Variants in SAXO1 observed in about 807,000 individuals in gnomAD.
SAXO1 encodes 4930500O09Rik.
In SAXO1, 21 loss-of-function variants were observed where a neutral mutation model predicts 17.5. That is an observed-to-expected ratio of 1.20 (90% confidence interval 0.85 to 1.72). SAXO1 has a LOEUF of 1.72. SAXO1 is among the 40% of genes most tolerant of loss of function. The probability of loss-of-function intolerance (pLI) is 0.00; values close to 1 mark genes in which losing one functional copy is unlikely to be tolerated. For synonymous variants in SAXO1, 274 were observed against 216.5 expected (o/e 1.27, Z -2.33); for missense variants, 843 against 596.0 (o/e 1.41, Z -4.32).
chr9:18,958,771 C>T (rs1232531984), intron 1 of SAXO1, among the ~76,000 whole-genome samples: 1 of 152,010 alleles, frequency 6.6e-6, no homozygotes, highest in African/African-American at 2.4e-5. Flanking sequence ...GAAATGTCTC[C>T]AGGCTGTTGA....
rs1276945266 is a variant in SAXO1 at position 18,993,273 on chromosome 9, C to T, written c.38+39598G>A. Among the ~76,000 whole-genome samples, 3 of 151,832 alleles carry T rather than the reference C, an allele frequency of 2.0e-5. No individual in the cohort carries two copies. In the South Asian group the frequency reaches 6.3e-4, roughly 32 times the overall value. ...GTCCTAATGCTCTCCCTCCCCTTGC[C>T]CCCCACCCCCAGATAGGCCCCGATG... is the stretch of plus-strand genomic sequence containing the variant. On this transcript the variant is annotated intron_variant, in intron 1 of 3. Transcript: ENST00000380534.
At chr9:18,996,088 A>AG (rs1302650810) in intron 1 of SAXO1, among the ~76,000 whole-genome samples, 1 of 151,848 alleles carries the variant, frequency 6.6e-6, no homozygotes, top group Non-Finnish European at 1.5e-5. Flanking sequence ...TCAAAAAAAA[A>AG]AAAAGAAAAG....
intron 1 of SAXO1, among the ~76,000 whole-genome samples, chr9:19,018,800 A>G (rs999591375): frequency 2.0e-5 from 3 of 152,218 alleles, no homozygotes; most frequent in African/African-American, 4.8e-5. Flanking sequence ...TTTATATGTT[A>G]AATATAGCTG....
chr9:18,930,776 G>C lies in SAXO1; in HGVS notation c.422-1721C>G, dbSNP rs13289301. Among the ~76,000 whole-genome samples the C allele has an allele frequency of 3.3e-5, 5 of 152,096 alleles. No homozygotes were observed. In the East Asian group the frequency reaches 9.7e-4, roughly 29 times the overall value. On this transcript the variant is annotated intron_variant, in intron 3 of 3. Coordinates refer to ENST00000380534, the MANE Select transcript of SAXO1 (RefSeq NM_153707.4). The stretch of plus-strand genomic sequence containing the variant: ...GGCCTCCCAAAGTGCTGGGATCACA[G>C]GCGTGAGCCACCACGCCCGGCCTAC...
At chr9:18,929,303 T>C (rs1830932350) in intron 3 of SAXO1, among the ~76,000 whole-genome samples, 1 of 152,192 alleles carries the variant, frequency 6.6e-6, no homozygotes, top group Non-Finnish European at 1.5e-5. Context: ...GCAGGGATCT[T>C]AGAGGGTCCA....
chr9:19,032,939 C>CA lies in SAXO1; in HGVS notation c.-32dup. 6.3e-7 allele frequency: 1 copy of CA among 1,598,724 alleles called. No individual in the cohort carries two copies. The highest frequency in any genetic ancestry group is 8.5e-7 in the Non-Finnish European group (1 of 1,175,412). On this transcript the variant is annotated 5_prime_UTR_variant, in exon 1 of 4. It removes the in-frame stop codon of an upstream open reading frame in the 5' UTR. Transcript: ENST00000380534. ...CGATCCTGAGGCCCTGACGTCCCCT[C>CA]AGAGCATCGCCAGCTGCAGCCGACT...
intron 1 of SAXO1, among the ~76,000 whole-genome samples, chr9:18,953,907 C>T (rs10733358): frequency 0.93 from 142,385 of 152,326 alleles, 66,640 homozygotes; most frequent in East Asian, 1. Flanking sequence ...GATTTCTCAA[C>T]GTTTAAGAAC....
intron 1 of SAXO1, among the ~76,000 whole-genome samples, chr9:19,042,786 G>A (rs565887010): frequency 1.6e-4 from 24 of 151,818 alleles, no homozygotes; most frequent in Middle Eastern, 6.8e-3. Flanking sequence ...CGCTTGAACC[G>A]GGGAGGCGGA....
chr9:18,928,090 C>A lies in SAXO1; in HGVS notation c.1387G>T (p.Glu463Ter). 1 of 1,611,014 alleles carries A rather than the reference C, an allele frequency of 6.2e-7. No homozygotes were observed. The highest frequency in any genetic ancestry group is 8.5e-7 in the Non-Finnish European group (1 of 1,177,598). ...TCCAACTCCCTCTGGTTGGGGTTTT[C>A]TGAATCATCTACAGAAAGATGGCTG... ...QSSHLSVDDS[E>*]NPNQRELEVL... is the part of the protein sequence containing the mutation. The change falls in exon 4 of 4, where the codon GAA becomes TAA. Residue 463 changes from glutamate to a stop codon, truncating the protein, a stop_gained. Coordinates refer to ENST00000380534, the MANE Select transcript of SAXO1 (RefSeq NM_153707.4). LOFTEE classifies it high-confidence loss of function.
chr9:18,997,165 G>C (rs1017388735), intron 1 of SAXO1, among the ~76,000 whole-genome samples: 1 of 152,224 alleles, frequency 6.6e-6, no homozygotes, highest in Admixed American at 6.5e-5. Flanking sequence ...GAAGAACAAG[G>C]GGTTGGGGGA....
intron 1 of SAXO1, among the ~76,000 whole-genome samples, chr9:19,045,153 A>G (rs373887990): frequency 6.7e-6 from 1 of 148,882 alleles, no homozygotes; most frequent in African/African-American, 2.5e-5. Context: ...TACTAAAAAT[A>G]CAAAAAATTA....
intron 3 of SAXO1, among the ~76,000 whole-genome samples, chr9:18,936,019 T>C (rs531339172): frequency 6.3e-4 from 96 of 152,248 alleles, no homozygotes; most frequent in South Asian, 4.4e-3. Flanking sequence ...TAATAAATGC[T>C]TCTCAATTTT....
chr9:18,931,811 T>A (rs1221984366), intron 3 of SAXO1, among the ~76,000 whole-genome samples: 2 of 152,244 alleles, frequency 1.3e-5, no homozygotes, highest in Non-Finnish European at 1.5e-5. Context: ...CCGCTCTTCA[T>A]GTGCTTTCAT....
intron 1 of SAXO1, among the ~76,000 whole-genome samples, chr9:19,018,227 T>G (rs1381941797): frequency 6.6e-6 from 1 of 152,154 alleles, no homozygotes; most frequent in Non-Finnish European, 1.5e-5. Context: ...ATGTTTTTGT[T>G]TTTTATTGTA....
intron 1 of SAXO1, among the ~76,000 whole-genome samples, chr9:18,966,401 C>T (rs934877042): frequency 5.3e-5 from 8 of 152,218 alleles, no homozygotes; most frequent in African/African-American, 1.7e-4. Context: ...TTGGTCTTTT[C>T]ATACAGTCCC....
chr9:18,985,578 C>T (rs915211199), intron 1 of SAXO1, among the ~76,000 whole-genome samples: 4 of 152,082 alleles, frequency 2.6e-5, no homozygotes, highest in African/African-American at 9.7e-5. Flanking sequence ...CAGGGCTCCT[C>T]GAGTGTACTC....
At chr9:18,939,906 C>T in intron 3 of SAXO1, among the ~76,000 whole-genome samples, 1 of 152,162 alleles carries the variant, frequency 6.6e-6, no homozygotes, top group East Asian at 1.9e-4. Context: ...TAGAAGACTG[C>T]TCTGCTCCCT....
chr9:18,963,125 T>C (rs1258844051), intron 1 of SAXO1, among the ~76,000 whole-genome samples: 2 of 152,232 alleles, frequency 1.3e-5, no homozygotes. Context: ...GTGGTGTTAT[T>C]TCTGAGGCCT....
At chr9:18,931,518 G>A (rs945312504) in intron 3 of SAXO1, among the ~76,000 whole-genome samples, 3 of 152,114 alleles carry the variant, frequency 2.0e-5, no homozygotes, top group Non-Finnish European at 4.4e-5. Context: ...TTTCTCTTGG[G>A]TAGATAATAA....
Sources: allele counts gnomAD v4.1 joint callset (sites outside exome capture counted in the v4.1 genomes callset), GRCh38; gene constraint gnomAD v4.1.1; transcripts MANE v1.5; gene names NCBI Gene and HGNC (gene_info 2026-07-23, HGNC 2026-07-21).